Variants in TMED8 observed in about 807,000 individuals in gnomAD.
The protein encoded by TMED8 is transmembrane p24 trafficking protein family member 8.
TMED8 carries 15 observed loss-of-function variants against 32.7 expected under a neutral mutation model. The observed-to-expected ratio is 0.46, with a 90% confidence interval of 0.31 to 0.71. The LOEUF (loss-of-function observed/expected upper bound fraction) is 0.71. TMED8 is among the 30% of genes least tolerant of loss of function. The pLI is 0.06. For missense variants in TMED8, 390 were observed against 423.9 expected (o/e 0.92, Z 0.70); for synonymous variants, 147 against 161.4 (o/e 0.91, Z 0.68).
intron 1 of TMED8, among the ~76,000 whole-genome samples, chr14:77,370,742 A>AGTGT (rs33940271): frequency 0.037 from 5,558 of 150,032 alleles, 113 homozygotes; most frequent in South Asian, 0.066. Context: ...TATAAAAAAA[A>AGTGT]GTGTGTGTGT....
chr14:77,376,995 C>A lies in TMED8; in HGVS notation c.59G>T (p.Gly20Val), dbSNP rs772748164. Residue 20 changes from glycine to valine, a missense_variant, in exon 1 of 6, where the codon GGG (glycine) becomes GTG (valine). Transcript: ENST00000216468. This position sits in a 1 kb window ranked among gnomAD's most constrained non-coding sequence, Gnocchi z 4.0. ...PGSWSPTARPGSAGGVGDCQG... is the reference protein window; with the variant it reads ...PGSWSPTARPVSAGGVGDCQG... ...GCAGTCCCCGACGCCGCCAGCCGAC[C>A]CTGGGCGGGCTGTGGGGCTCCAGGA... is the stretch of plus-strand genomic sequence containing the variant. 9 of 1,439,966 alleles carry A rather than the reference C, an allele frequency of 6.3e-6. No homozygotes were observed. Among genetic ancestry groups the A allele is most frequent in the Admixed American group, 2.9e-5 (1 of 35,006 alleles). The allele number at this position is 1,439,966 out of a possible 1,614,324, so 89.2% of individuals were successfully genotyped here.
intron 1 of TMED8, among the ~76,000 whole-genome samples, chr14:77,367,051 C>T (rs1183400300): frequency 6.6e-6 from 1 of 151,836 alleles, no homozygotes; most frequent in Non-Finnish European, 1.5e-5. Context: ...TCCAGAGCAG[C>T]CTGGCCAACA....
intron 1 of TMED8, among the ~76,000 whole-genome samples, chr14:77,372,911 T>C (rs1893706598): frequency 2.3e-4 from 1 of 4,288 alleles, no homozygotes; most frequent in Non-Finnish European, 4.5e-4. Flanking sequence ...AGATATTATA[T>C]ATATATATAT....
At chr14:77,362,588 G>A (rs1164464878) in intron 1 of TMED8, among the ~76,000 whole-genome samples, 1 of 151,886 alleles carries the variant, frequency 6.6e-6, no homozygotes, top group Non-Finnish European at 1.5e-5. Flanking sequence ...AAAACAACCA[G>A]AAAACAATTA....
rs1892821769 is a variant in TMED8 at position 77,338,658 on chromosome 14, C to A, written c.*3113G>T. 3.3e-5 allele frequency: 5 copies of A among 152,342 alleles called. No individual in the cohort carries two copies. In the South Asian group the frequency reaches 1.0e-3, roughly 32 times the overall value. 9.4% of individuals were successfully genotyped at this position (152,342 alleles called of 1,614,324 possible). A position where few individuals can be genotyped will look rare whatever the true frequency, so the allele number is the denominator to read the frequency against. Reference sequence around the variant, plus strand: ...TCAAATGTATAAAACTGTAACCCGACTACCTCGGGCACATGTTCTAAGAAC... The same window carrying A: ...TCAAATGTATAAAACTGTAACCCGAATACCTCGGGCACATGTTCTAAGAAC... On this transcript the variant is annotated 3_prime_UTR_variant, in exon 6 of 6. Transcript: ENST00000216468.
At position 77,376,519 on chromosome 14, in the gene TMED8, G is replaced by A. The variant is rs1188366102; in HGVS notation, c.118+417C>T. ...CGTGGTAAGGCTGGGGCAGGGGACT[G>A]AGATGGGGATAGGGTGGGGAGCCAG... On this transcript the variant is annotated intron_variant, in intron 1 of 5. Transcript: ENST00000216468. This position sits in a 1 kb window ranked among gnomAD's most constrained non-coding sequence, Gnocchi z 4.0. Among the ~76,000 whole-genome samples the A allele has an allele frequency of 6.6e-6, 1 of 152,076 alleles. No individual in the cohort carries two copies. The highest frequency in any genetic ancestry group is 1.5e-5 in the Non-Finnish European group (1 of 68,002).
At position 77,376,493 on chromosome 14, in the gene TMED8, G is replaced by T. The variant is rs1893819387; in HGVS notation, c.118+443C>A. 6.6e-6 allele frequency among the ~76,000 whole-genome samples: 1 copy of T among 152,180 alleles called. No individual in the cohort carries two copies. The highest frequency in any genetic ancestry group is 2.4e-5 in the African/African-American group (1 of 41,440). On this transcript the variant is annotated intron_variant, in intron 1 of 5. Transcript: ENST00000216468. The surrounding 1 kb of genome is among the most constrained non-coding windows in gnomAD (Gnocchi z 4.0). ...CCAACCCGGGTGGGGGCCGAGAGGC[G>T]CGTGGTAAGGCTGGGGCAGGGGACT...
rs779546984 is a variant in TMED8 at position 77,343,308 on chromosome 14, G to A, written c.630C>T (p.Thr210=). ...EGKRVCWEFA[T]DDYDIGFGVY... ...CTCCAAAGCCAATGTCATAGTCATC[G>A]GTCGCAAACTCCCAGCAGACACGCT... The change falls in exon 5 of 6, where the codon ACC becomes ACT. Residue 210 remains threonine, a synonymous_variant. Coordinates refer to ENST00000216468, the MANE Select transcript of TMED8 (RefSeq NM_213601.3). 12 of 1,614,164 alleles carry A rather than the reference G, an allele frequency of 7.4e-6. No homozygotes were observed. Among genetic ancestry groups the A allele is most frequent in the South Asian group, 5.5e-5 (5 of 91,080 alleles).
intron 1 of TMED8, among the ~76,000 whole-genome samples, chr14:77,356,191 A>T (rs1594847550): frequency 6.6e-6 from 1 of 152,322 alleles, no homozygotes; most frequent in Non-Finnish European, 1.5e-5. Flanking sequence ...CACATATGAA[A>T]GATTGCATGA....
At chr14:77,375,393 T>A (rs905030457) in intron 1 of TMED8, among the ~76,000 whole-genome samples, 1 of 152,090 alleles carries the variant, frequency 6.6e-6, no homozygotes. Flanking sequence ...CATAAACACA[T>A]GAGAACCTAA....
intron 5 of TMED8, 28 bp downstream of exon 5, chr14:77,343,150 C>G (rs1443693966): frequency 6.2e-7 from 1 of 1,602,002 alleles, no homozygotes; most frequent in African/African-American, 1.3e-5. Flanking sequence ...AGCCAGAAAA[C>G]TGCAAATTAG....
At chr14:77,366,295 G>C (rs1196624296) in intron 1 of TMED8, among the ~76,000 whole-genome samples, 2 of 152,222 alleles carry the variant, frequency 1.3e-5, no homozygotes, top group Non-Finnish European at 2.9e-5. Flanking sequence ...ATAGTACTCA[G>C]TGGAAGTCAA....
At chr14:77,359,664 ATTCTGGTACAC>A (rs1893383207) in intron 1 of TMED8, 1 of 325,532 alleles carries the variant, frequency 3.1e-6, no homozygotes, top group South Asian at 2.6e-5. Context: ...CCTCAACGCC[ATTCTGGTACAC>A]ACAGGTGGAG....
Position 77,376,626 on chromosome 14 carries a change from G to GCTGAAGCTGAAA in TMED8, c.118+298_118+309dup, listed in dbSNP as rs1253946401. ...AGACGGAGGTGGGACCCGAACCCCG[G>GCTGAAGCTGAAA]CTGAAGCTGAAACTGAAGCTGAAGA... On this transcript the variant is annotated intron_variant, in intron 1 of 5. Transcript: ENST00000216468. The surrounding 1 kb of genome is among the most constrained non-coding windows in gnomAD (Gnocchi z 4.0). 9.8e-6 allele frequency: 2 copies of GCTGAAGCTGAAA among 203,554 alleles called. No individual in the cohort carries two copies. The highest frequency in any genetic ancestry group is 4.6e-5 in the African/African-American group (2 of 43,312). 12.6% of individuals were successfully genotyped at this position (203,554 alleles called of 1,614,324 possible). A position where few individuals can be genotyped will look rare whatever the true frequency, so the allele number is the denominator to read the frequency against.
In TMED8 at chr14:77,341,435, A is replaced by G; in HGVS notation, c.*336T>C. On this transcript the variant is annotated 3_prime_UTR_variant, in exon 6 of 6. Transcript: ENST00000216468. ...GGGAGAGGAGAGGGCAGCAATCTGAATGATAAACCTGTGCCAAGATGAATC... is the reference window on the plus strand; with the variant it reads ...GGGAGAGGAGAGGGCAGCAATCTGAGTGATAAACCTGTGCCAAGATGAATC... 3.3e-6 allele frequency: 1 copy of G among 307,612 alleles called. No homozygotes were observed. The highest frequency in any genetic ancestry group is 6.2e-6 in the Non-Finnish European group (1 of 160,012). 19.1% of individuals were successfully genotyped at this position (307,612 alleles called of 1,614,324 possible).
At chr14:77,345,768 G>A (rs1365688647) in intron 3 of TMED8, among the ~76,000 whole-genome samples, 2 of 151,396 alleles carry the variant, frequency 1.3e-5, no homozygotes, top group South Asian at 2.1e-4. Context: ...TCAGGAGTTC[G>A]AGATTAGCCT....
At chr14:77,352,537 G>A (rs142680225) in intron 1 of TMED8, among the ~76,000 whole-genome samples, 2,717 of 152,062 alleles carry the variant, frequency 0.018, 45 homozygotes, top group Middle Eastern at 0.078. Flanking sequence ...TCAGGAGTTC[G>A]AGACCAGCCT....
At chr14:77,342,465 G>T (rs1177845384) in intron 5 of TMED8, among the ~76,000 whole-genome samples, 4 of 151,796 alleles carry the variant, frequency 2.6e-5, no homozygotes, top group Non-Finnish European at 4.4e-5. Flanking sequence ...AAGATACAAG[G>T]TTCTCCGCTT....
rs1413863775 is a variant in TMED8 at position 77,337,815 on chromosome 14, T to A, written c.*3956A>T. 6.6e-6 allele frequency: 1 copy of A among 152,236 alleles called. No homozygotes were observed. The highest frequency in any genetic ancestry group is 6.5e-5 in the Admixed American group (1 of 15,284). The allele number at this position is 152,236 out of a possible 1,614,324, so 9.4% of individuals were successfully genotyped here. A position where few individuals can be genotyped will look rare whatever the true frequency, so the allele number is the denominator to read the frequency against. Reference sequence around the variant, plus strand: ...GGGGACATTCTCAGCATTCTCTAATTGGACACTTGTCAAAAGGAACAGAAT... The same window carrying A: ...GGGGACATTCTCAGCATTCTCTAATAGGACACTTGTCAAAAGGAACAGAAT... On this transcript the variant is annotated 3_prime_UTR_variant, in exon 6 of 6. Transcript: ENST00000216468.
Sources: gnomAD v4.1 joint callset for allele counts (sites outside exome capture counted in the v4.1 genomes callset) on GRCh38, gnomAD v4.1.1 for gene constraint, Gnocchi (gnomAD v3.1) non-coding constraint, MANE v1.5 for transcripts, NCBI Gene and HGNC (gene_info 2026-07-23, HGNC 2026-07-21) for gene names.